The following CNTNAP2 variants were observed in gnomAD, a reference collection of about 807,000 sequenced individuals.
CNTNAP2 encodes contactin-associated protein-like 2.
A neutral mutation model predicts 155.2 loss-of-function variants in CNTNAP2; 98 were observed. The observed-to-expected ratio is 0.63, with a 90% confidence interval of 0.54 to 0.75. CNTNAP2 has a LOEUF of 0.75. Ranked by LOEUF, CNTNAP2 falls within the 30% of genes least tolerant of loss-of-function variation. CNTNAP2 has a pLI of 0.00. For missense variants in CNTNAP2, 1,727 were observed against 1,688.1 expected, an observed-to-expected ratio of 1.02 and a Z score of -0.40; for synonymous variants, 651 against 631.2, an observed-to-expected ratio of 1.03 and a Z score of -0.47.
intron 18 of CNTNAP2, among the ~76,000 whole-genome samples, chr7:148,213,653 C>A (rs1585191841): frequency 6.6e-6 from 1 of 152,216 alleles, no homozygotes; most frequent in East Asian, 1.9e-4. Context: ...GTAATGACCC[C>A]CCACATTCTC....
intron 10 of CNTNAP2, among the ~76,000 whole-genome samples, chr7:147,428,371 C>T (rs191532997): frequency 5.7e-4 from 86 of 152,180 alleles, no homozygotes; most frequent in Admixed American, 5.1e-3. Context: ...TTGATATCTT[C>T]ATTTTTCATC....
intron 3 of CNTNAP2, among the ~76,000 whole-genome samples, chr7:146,904,712 C>G (rs965405016): frequency 4.6e-5 from 7 of 152,136 alleles, no homozygotes; most frequent in African/African-American, 7.2e-5. Context: ...ACCTCGTGAT[C>G]CGCCCACCTC....
intron 17 of CNTNAP2, among the ~76,000 whole-genome samples, chr7:148,152,953 G>A (rs1361234121): frequency 6.2e-5 from 9 of 146,168 alleles, no homozygotes; most frequent in African/African-American, 1.8e-4. Flanking sequence ...CCCGGGAGGC[G>A]GAGCTTGCAG....
At chr7:147,398,721 T>C (rs1007530938) in intron 10 of CNTNAP2, among the ~76,000 whole-genome samples, 1 of 144,802 alleles carries the variant, frequency 6.9e-6, no homozygotes, top group Non-Finnish European at 1.5e-5. Flanking sequence ...ATGCATTCAG[T>C]ATTTATTTTC....
chr7:146,425,432 C>G (rs1405749868), intron 1 of CNTNAP2, among the ~76,000 whole-genome samples: 1 of 152,134 alleles, frequency 6.6e-6, no homozygotes, highest in Non-Finnish European at 1.5e-5. Context: ...AATTGGCAAG[C>G]AGCCATTTTG....
At chr7:147,414,758 G>T (rs1379328429) in intron 10 of CNTNAP2, among the ~76,000 whole-genome samples, 4 of 151,830 alleles carry the variant, frequency 2.6e-5, no homozygotes, top group East Asian at 1.9e-4. Context: ...TGGCTAACAA[G>T]GTGAAACCCC....
At chr7:146,724,159 T>C (rs2129178125) in intron 1 of CNTNAP2, among the ~76,000 whole-genome samples, 1 of 152,270 alleles carries the variant, frequency 6.6e-6, no homozygotes, top group East Asian at 1.9e-4. Flanking sequence ...ATTCCTACAA[T>C]CTCACTTATT....
At chr7:146,901,311 T>G (rs551546293) in intron 3 of CNTNAP2, among the ~76,000 whole-genome samples, 1 of 152,294 alleles carries the variant, frequency 6.6e-6, no homozygotes, top group African/African-American at 2.4e-5. Flanking sequence ...AAACAAAAAT[T>G]ATTTCCAGAT....
intron 8 of CNTNAP2, among the ~76,000 whole-genome samples, chr7:147,189,312 T>A (rs1217067215): frequency 6.6e-6 from 1 of 152,180 alleles, no homozygotes; most frequent in Non-Finnish European, 1.5e-5. Context: ...TCTTTCCACA[T>A]GACATCTACA....
intron 21 of CNTNAP2, among the ~76,000 whole-genome samples, chr7:148,300,531 T>TTTTTTTTTTTG (rs1797365161): frequency 6.6e-6 from 1 of 151,740 alleles, no homozygotes. Flanking sequence ...CAATTTTTTT[T>TTTTTTTTTTTG]TTTTCACTGA....
intron 5 of CNTNAP2, among the ~76,000 whole-genome samples, chr7:147,109,107 T>G (rs566390911): frequency 1.3e-5 from 2 of 152,222 alleles, no homozygotes; most frequent in Non-Finnish European, 2.9e-5. Flanking sequence ...CTTTATCATC[T>G]TATTTTTTAT....
chr7:147,056,500 G>A (rs1373764284), intron 4 of CNTNAP2, among the ~76,000 whole-genome samples: 1 of 152,096 alleles, frequency 6.6e-6, no homozygotes, highest in Non-Finnish European at 1.5e-5. Context: ...GATTTGAGTT[G>A]GACTCTGAAC....
At chr7:147,925,712 C>T (rs1316368481) in intron 14 of CNTNAP2, among the ~76,000 whole-genome samples, 2 of 152,200 alleles carry the variant, frequency 1.3e-5, no homozygotes, top group African/African-American at 4.8e-5. Context: ...CCACCCGCCT[C>T]GGCCTCCCAA....
intron 9 of CNTNAP2, among the ~76,000 whole-genome samples, chr7:147,310,830 C>T (rs13243107): frequency 0.035 from 5,273 of 152,134 alleles, 126 homozygotes; most frequent in Non-Finnish European, 0.052. Flanking sequence ...AATTTTGCAG[C>T]GAGGAAGAGA....
chr7:148,093,846 C>T (rs1391546211), intron 15 of CNTNAP2, among the ~76,000 whole-genome samples: 1 of 152,196 alleles, frequency 6.6e-6, no homozygotes, highest in African/African-American at 2.4e-5. Context: ...ACAATCACAG[C>T]TCACTGCAGC....
chr7:147,618,570 T>G (rs988949413), intron 12 of CNTNAP2, among the ~76,000 whole-genome samples: 3 of 151,774 alleles, frequency 2.0e-5, no homozygotes, highest in African/African-American at 7.3e-5. Context: ...TTTATTAAAA[T>G]GTGCATAATG....
intron 13 of CNTNAP2, among the ~76,000 whole-genome samples, chr7:147,747,935 C>T (rs1027998803): frequency 2.0e-5 from 3 of 152,234 alleles, no homozygotes; most frequent in African/African-American, 7.2e-5. Context: ...TTATCTTGCA[C>T]TGTGTGACCC....
intron 13 of CNTNAP2, among the ~76,000 whole-genome samples, chr7:147,781,677 A>G (rs2116556086): frequency 6.6e-6 from 1 of 152,278 alleles, no homozygotes; most frequent in Non-Finnish European, 1.5e-5. Flanking sequence ...CTCAAGGAAA[A>G]CAAGACTCCT....
chr7:147,600,998 C>T (rs952069623), intron 12 of CNTNAP2, among the ~76,000 whole-genome samples: 6 of 152,096 alleles, frequency 3.9e-5, no homozygotes, highest in Non-Finnish European at 1.5e-5. Context: ...ATCCCCTGAA[C>T]ATTATTAGAA....
Sources: allele counts gnomAD v4.1 joint callset (sites outside exome capture counted in the v4.1 genomes callset), GRCh38; gene constraint gnomAD v4.1.1; transcripts MANE v1.5; gene names NCBI Gene and HGNC (gene_info 2026-07-23, HGNC 2026-07-21).